NPNT: variants seen among roughly 807,000 people sequenced by gnomAD.
NPNT encodes the protein preosteoblast EGF-like repeat protein with MAM domain.
A neutral mutation model predicts 68.6 loss-of-function variants in NPNT; 45 were observed. That is an observed-to-expected ratio of 0.66 (90% confidence interval 0.52 to 0.84). The LOEUF is 0.84. NPNT is among the 40% of genes least tolerant of loss of function. NPNT has a pLI of 0.00. For missense variants in NPNT, 672 were observed against 714.8 expected (o/e 0.94, Z 0.68); for synonymous variants, 233 against 253.3 (o/e 0.92, Z 0.76).
chr4:105,896,104 C>G (rs1381505428), intron 1 of NPNT: 1 of 218,434 alleles, frequency 4.6e-6, no homozygotes, highest in Non-Finnish European at 9.1e-6. Context: ...CTGAACTAGA[C>G]GGCTCTTCAC....
chr4:105,964,432 AAAAGAG>A (rs1731961830), intron 10 of NPNT, among the ~76,000 whole-genome samples: 1 of 152,244 alleles, frequency 6.6e-6, no homozygotes, highest in Non-Finnish European at 1.5e-5. Flanking sequence ...TTGCTATGTC[AAAAGAG>A]AATTTGTATT....
At chr4:105,904,802 C>T (rs1417556634) in intron 2 of NPNT, among the ~76,000 whole-genome samples, 1 of 152,042 alleles carries the variant, frequency 6.6e-6, no homozygotes, top group East Asian at 1.9e-4. Flanking sequence ...GCCTCACTCT[C>T]TCTCGAGTAG....
Position 105,970,269 on chromosome 4 carries a change from C to T in NPNT, c.*1279C>T. ...CCATGAACCCCCAACTGTATTTCCTCCCTGCATATTTTACCAATATATTAA... is the reference window on the plus strand; with the variant it reads ...CCATGAACCCCCAACTGTATTTCCTTCCTGCATATTTTACCAATATATTAA... On this transcript the variant is annotated 3_prime_UTR_variant, in exon 12 of 12. Coordinates refer to ENST00000379987, the MANE Select transcript of NPNT (RefSeq NM_001033047.3). 1.7e-6 allele frequency: 1 copy of T among 584,504 alleles called. No homozygotes were observed. Among genetic ancestry groups the T allele is most frequent in the Non-Finnish European group, 3.1e-6 (1 of 327,670 alleles). 36.2% of individuals were successfully genotyped at this position (584,504 alleles called of 1,614,324 possible).
At chr4:105,966,682 T>C (rs1283390760) in intron 10 of NPNT, among the ~76,000 whole-genome samples, 3 of 151,052 alleles carry the variant, frequency 2.0e-5, no homozygotes, top group Non-Finnish European at 4.4e-5. Context: ...TTTTTTTTTT[T>C]AAGTTGGGGG....
rs1464297344 is a variant in NPNT, at chr4:105,942,649, C to G, written c.1106C>G (p.Thr369Arg). Residue 369 changes from threonine to arginine, a missense_variant, in exon 8 of 12, where the codon ACA becomes AGA. By Grantham distance (71) the Thr-to-Arg change is moderately conservative (BLOSUM62 -1). Transcript: ENST00000379987. ...GCCAGTACACCTCCAGGAGGGATTA[C>G]AGTTGACAACAGGGTACAGACAGAC... is the stretch of plus-strand genomic sequence containing the variant. ...PAASTPPGGI[T>R]VDNRVQTDPQ... The G allele has an allele frequency of 6.2e-7, 1 of 1,613,806 alleles. No homozygotes were observed. Among genetic ancestry groups the G allele is most frequent in the African/African-American group, 1.3e-5 (1 of 74,908 alleles).
intron 3 of NPNT, among the ~76,000 whole-genome samples, chr4:105,929,158 G>A (rs947225014): frequency 5.3e-5 from 8 of 151,558 alleles, no homozygotes; most frequent in Admixed American, 6.6e-5. Context: ...GTGTCCGTGT[G>A]TTCTCATTGT....
intron 3 of NPNT, among the ~76,000 whole-genome samples, chr4:105,927,926 G>T (rs1378329902): frequency 6.6e-6 from 1 of 152,068 alleles, no homozygotes; most frequent in Non-Finnish European, 1.5e-5. Context: ...GATTAATTTA[G>T]CAAGCACTTT....
In NPNT at chr4:105,942,422, T is replaced by A. The variant is rs1730050421; in HGVS notation, c.879T>A (p.Thr293=). 1 of 1,613,810 alleles carries A rather than the reference T, an allele frequency of 6.2e-7. No individual in the cohort carries two copies. The highest frequency in any genetic ancestry group is 1.7e-5 in the Admixed American group (1 of 59,942). ...NNNWIPDVGS[T]WWPPKTPYIP... is the part of the protein sequence containing the mutation. ...ATTGGATTCCTGATGTTGGAAGTACTTGGTGGCCTCCGAAGACACCATATA... is the reference window on the plus strand; with the variant it reads ...ATTGGATTCCTGATGTTGGAAGTACATGGTGGCCTCCGAAGACACCATATA... The change falls in exon 8 of 12, where the codon ACT becomes ACA. Residue 293 remains threonine, a synonymous_variant. Coordinates refer to ENST00000379987, the MANE Select transcript of NPNT (RefSeq NM_001033047.3).
intron 2 of NPNT, among the ~76,000 whole-genome samples, chr4:105,919,705 A>G (rs931637225): frequency 1.3e-5 from 2 of 152,120 alleles, no homozygotes; most frequent in African/African-American, 4.8e-5. Flanking sequence ...TTAGAACTAA[A>G]TTTATTTGTA....
chr4:105,969,956 C>T lies in NPNT; in HGVS notation c.*966C>T, dbSNP rs1476695647. ...AAAACCACAGCTTTTACCATCATAACATGGCTCTGGTAATATGTAGGAAGC... is the reference window on the plus strand; with the variant it reads ...AAAACCACAGCTTTTACCATCATAATATGGCTCTGGTAATATGTAGGAAGC... On this transcript the variant is annotated 3_prime_UTR_variant, in exon 12 of 12. Transcript: ENST00000379987. The T allele has an allele frequency of 6.3e-6, 1 of 158,310 alleles. No individual in the cohort carries two copies. The highest frequency in any genetic ancestry group is 2.4e-5 in the African/African-American group (1 of 41,478). 9.8% of individuals were successfully genotyped at this position (158,310 alleles called of 1,614,324 possible). A position where few individuals can be genotyped will look rare whatever the true frequency, so the allele number is the denominator to read the frequency against.
intron 2 of NPNT, chr4:105,912,747 T>C (rs1727470031): frequency 1.2e-5 from 2 of 169,528 alleles, no homozygotes; most frequent in African/African-American, 4.8e-5. Context: ...GGGTTCCTTG[T>C]TTAAGATATT....
chr4:105,941,433 G>C (rs1266368649), intron 7 of NPNT, among the ~76,000 whole-genome samples: 3 of 151,954 alleles, frequency 2.0e-5, no homozygotes, highest in Admixed American at 1.3e-4. Flanking sequence ...GTTTTATTTG[G>C]AGTAGTGGTT....
chr4:105,926,865 T>C (rs920692142), intron 2 of NPNT, among the ~76,000 whole-genome samples: 45 of 152,180 alleles, frequency 3.0e-4, no homozygotes, highest in Admixed American at 3.9e-4. Context: ...TTTGAATCCT[T>C]TCATACTTAG....
At chr4:105,911,512 G>A in intron 2 of NPNT, 1 of 152,188 alleles carries the variant, frequency 6.6e-6, no homozygotes, top group Non-Finnish European at 1.5e-5. Context: ...ATCAAACACT[G>A]ACCATTATTA....
chr4:105,898,331 T>TCTCC (rs1726090539), intron 2 of NPNT, among the ~76,000 whole-genome samples: 3 of 61,380 alleles, frequency 4.9e-5, no homozygotes, highest in Non-Finnish European at 1.0e-4. Context: ...TCTCTCTGTC[T>TCTCC]CTCTCTCTCT....
chr4:105,928,572 C>A (rs1728862980), intron 3 of NPNT, among the ~76,000 whole-genome samples: 2 of 145,148 alleles, frequency 1.4e-5, no homozygotes, highest in African/African-American at 5.2e-5. Context: ...AAGATTGCAC[C>A]ATTGCACTCC....
Position 105,934,400 on chromosome 4 carries a change from G to A in NPNT, c.266-2609G>A, listed in dbSNP as rs547888814. On this transcript the variant is annotated intron_variant, in intron 3 of 11. Transcript: ENST00000379987. ...GGATGCCAGATGCATTTAATCTTTT[G>A]AAGCTCTGTACTTTAGGAAAAGTCT... Among the ~76,000 whole-genome samples, 26 of 152,298 alleles carry A rather than the reference G, an allele frequency of 1.7e-4. No individual in the cohort carries two copies. The East Asian group carries it at 2.9e-3, about 17-fold the overall frequency.
chr4:105,895,531 GC>G lies in NPNT; in HGVS notation c.-119del. On this transcript the variant is annotated 5_prime_UTR_variant, in exon 1 of 12. Coordinates refer to ENST00000379987, the MANE Select transcript of NPNT (RefSeq NM_001033047.3). ...CTGTCCTCCGGGAGCGGCAGCAGTAGCCCGGGCGGCGAGGGCTGGGGGTTCC... is the reference window on the plus strand; with the variant it reads ...CTGTCCTCCGGGAGCGGCAGCAGTAGCCGGGCGGCGAGGGCTGGGGGTTCC... 1 of 782,248 alleles carries G rather than the reference GC, an allele frequency of 1.3e-6. No individual in the cohort carries two copies. The highest frequency in any genetic ancestry group is 2.0e-6 in the Non-Finnish European group (1 of 496,352). The allele number at this position is 782,248 out of a possible 1,614,324, so 48.5% of individuals were successfully genotyped here.
intron 8 of NPNT, among the ~76,000 whole-genome samples, chr4:105,948,301 A>T (rs892322941): frequency 6.6e-6 from 1 of 152,204 alleles, no homozygotes; most frequent in Admixed American, 6.5e-5. Flanking sequence ...CTAAAGATAG[A>T]ATATACTGAA....
Sources: allele counts gnomAD v4.1 joint callset (sites outside exome capture counted in the v4.1 genomes callset), GRCh38; gene constraint gnomAD v4.1.1; transcripts MANE v1.5; gene names NCBI Gene and HGNC (gene_info 2026-07-23, HGNC 2026-07-21).